Variants in TIAM1 observed in about 807,000 individuals in gnomAD.
TIAM1 encodes TIAM Rac1 associated GEF 1.
TIAM1 carries 65 observed loss-of-function variants against 163.5 expected under a neutral mutation model. The observed-to-expected ratio is 0.40, with a 90% CI of 0.33 to 0.49. The LOEUF is 0.49. Ranked by LOEUF, TIAM1 falls within the 20% of genes least tolerant of loss-of-function variation. The pLI, the probability that TIAM1 is intolerant of heterozygous loss-of-function variation, is 0.77. For missense variants in TIAM1, 1,789 were observed against 2,044.7 expected (o/e 0.87, Z 2.41); for synonymous variants, 833 against 810.1 (o/e 1.03, Z -0.48).
intron 1 of TIAM1, among the ~76,000 whole-genome samples, chr21:31,340,514 C>G (rs757891679): frequency 6.6e-6 from 1 of 152,136 alleles, no homozygotes; most frequent in Non-Finnish European, 1.5e-5. Flanking sequence ...TCTATCTTCA[C>G]GTTTAATTCT....
chr21:31,328,124 T>G (rs957004848), intron 2 of TIAM1, among the ~76,000 whole-genome samples: 1 of 152,166 alleles, frequency 6.6e-6, no homozygotes, highest in African/African-American at 2.4e-5. Flanking sequence ...GGCTCCAATG[T>G]CACCCATGCA....
intron 1 of TIAM1, among the ~76,000 whole-genome samples, chr21:31,489,187 T>C (rs914261486): frequency 2.0e-5 from 3 of 150,838 alleles, no homozygotes; most frequent in African/African-American, 4.9e-5. Context: ...CTGGGCAACA[T>C]AGAGACCTTA....
intron 1 of TIAM1, among the ~76,000 whole-genome samples, chr21:31,518,010 G>C (rs1222451023): frequency 1.3e-5 from 2 of 152,090 alleles, no homozygotes; most frequent in Non-Finnish European, 2.9e-5. Context: ...TTTTTCTCAT[G>C]AACTTGTAAA....
chr21:31,269,284 A>G (rs1187868053), intron 3 of TIAM1, among the ~76,000 whole-genome samples: 2 of 152,222 alleles, frequency 1.3e-5, no homozygotes, highest in African/African-American at 4.8e-5. Flanking sequence ...TTTTAGTAGC[A>G]AGATTCTTTT....
chr21:31,391,836 A>C (rs573736107), intron 2 of TIAM1, among the ~76,000 whole-genome samples: 9 of 152,184 alleles, frequency 5.9e-5, no homozygotes, highest in Non-Finnish European at 1.2e-4. Flanking sequence ...GCTGCTAGAC[A>C]TATAAAGAGA....
chr21:31,246,332 C>T (rs2071500471), intron 5 of TIAM1, among the ~76,000 whole-genome samples: 1 of 152,106 alleles, frequency 6.6e-6, no homozygotes, highest in African/African-American at 2.4e-5. Flanking sequence ...TGCATAATTG[C>T]ACTGTGAAAC....
chr21:31,209,124 G>A (rs1411665230), intron 11 of TIAM1, among the ~76,000 whole-genome samples: 2 of 152,100 alleles, frequency 1.3e-5, no homozygotes, highest in African/African-American at 2.4e-5. Flanking sequence ...CCAGACGTGG[G>A]TTCAGTCTCT....
intron 2 of TIAM1, among the ~76,000 whole-genome samples, chr21:31,296,104 C>T (rs1008793594): frequency 1.3e-5 from 2 of 151,992 alleles, no homozygotes; most frequent in African/African-American, 2.4e-5. Context: ...CGGCCAACTC[C>T]GAATTTTTAA....
intron 15 of TIAM1, among the ~76,000 whole-genome samples, chr21:31,169,178 C>A (rs2084387651): frequency 6.6e-6 from 1 of 152,074 alleles, no homozygotes; most frequent in Non-Finnish European, 1.5e-5. Context: ...CCTGTAATCC[C>A]AGCTACTTGG....
rs5843509 is a variant in TIAM1 at position 31,325,286 on chromosome 21, C to CA, written c.-189+13956dup. Among the ~76,000 whole-genome samples the CA allele has an allele frequency of 9.3e-3, 1,250 of 135,026 alleles. 16 individuals carry two copies. The highest frequency in any genetic ancestry group is 0.027 in the African/African-American group (991 of 36,776). 88.6% of individuals were successfully genotyped at this position (135,026 alleles called of 152,430 possible). ...TGGGTGACAGAGGGAGGCCCTGTCT[C>CA]AAAAAAAAAAAAAAATTAGTTTTTA... On this transcript the variant is annotated intron_variant, in intron 2 of 27. Transcript: ENST00000541036.
In TIAM1 at chr21:31,225,816, C is replaced by A. The variant is rs1317166141; in HGVS notation, c.1719G>T (p.Lys573Asn). The change falls in exon 7 of 28, where the codon AAG (lysine) becomes AAT (asparagine). Residue 573 changes from lysine to asparagine, a missense_variant. Physicochemically the swap from Lys to Asn is moderately conservative, Grantham distance 94. This residue lies in a region of TIAM1 where 456 missense variants were observed against 586.6 expected (regional missense o/e 0.78). Transcript: ENST00000541036. ...TCTTCATCTTTTCATCCATGTCAAT[C>A]TTCTGTTCCAGTTTTTTGATCTCTG... ...LKSEIKKLEQ[K>N]IDMDEKMKKM... The A allele has an allele frequency of 6.2e-7, 1 of 1,614,184 alleles. No homozygotes were observed. Among genetic ancestry groups the A allele is most frequent in the East Asian group, 2.2e-5 (1 of 44,878 alleles).
intron 2 of TIAM1, among the ~76,000 whole-genome samples, chr21:31,420,045 G>A (rs369252624): frequency 1.4e-4 from 22 of 151,956 alleles, no homozygotes; most frequent in Non-Finnish European, 2.4e-4. Context: ...GCAAAACTCC[G>A]TCTCAAAAAC....
At chr21:31,154,721 T>A (rs2083539351) in intron 16 of TIAM1, among the ~76,000 whole-genome samples, 1 of 152,104 alleles carries the variant, frequency 6.6e-6, no homozygotes, top group Non-Finnish European at 1.5e-5. Context: ...AAGTAACTCA[T>A]CCAAGATGAT....
At position 31,152,136 on chromosome 21, in the gene TIAM1, G is replaced by A. The variant is rs138203824; in HGVS notation, c.3366+500C>T. ...CAACCTCTGCATCTCAGGTTCAAGC[G>A]ATTCTCCTGCCTCAGCCTCCTGAGT... On this transcript the variant is annotated intron_variant, in intron 19 of 27. Coordinates refer to ENST00000541036, the MANE Select transcript of TIAM1 (RefSeq NM_001353694.2). Among the ~76,000 whole-genome samples the A allele has an allele frequency of 2.2e-3, 334 of 148,944 alleles. 1 individual carries two copies. The highest frequency in any genetic ancestry group is 7.6e-3 in the African/African-American group (308 of 40,394).
intron 1 of TIAM1, among the ~76,000 whole-genome samples, chr21:31,558,123 G>A (rs2084887697): frequency 6.6e-6 from 1 of 152,152 alleles, no homozygotes; most frequent in African/African-American, 2.4e-5. Context: ...CCAATGGCGA[G>A]GTCTGTAAAC....
intron 2 of TIAM1, among the ~76,000 whole-genome samples, chr21:31,369,999 G>A (rs1385655263): frequency 6.6e-6 from 1 of 152,100 alleles, no homozygotes; most frequent in Non-Finnish European, 1.5e-5. Flanking sequence ...TCCTTATAAA[G>A]GGGGCCTAAG....
At chr21:31,319,825 C>CTT (rs1569214321) in intron 2 of TIAM1, among the ~76,000 whole-genome samples, 1 of 150,228 alleles carries the variant, frequency 6.7e-6, no homozygotes, top group Non-Finnish European at 1.5e-5. Context: ...TTCTAGTGAG[C>CTT]ATAAGGTGGT....
At chr21:31,176,741 T>C (rs1474601294) in intron 15 of TIAM1, among the ~76,000 whole-genome samples, 1 of 152,026 alleles carries the variant, frequency 6.6e-6, no homozygotes, top group Non-Finnish European at 1.5e-5. Context: ...ATTCCAATTA[T>C]CTTATGATTC....
chr21:31,242,995 T>C (rs754519181), intron 6 of TIAM1, among the ~76,000 whole-genome samples: 2 of 150,690 alleles, frequency 1.3e-5, no homozygotes, highest in Non-Finnish European at 3.0e-5. Context: ...GAGACCAGCC[T>C]GACTAACATG....
Sources: gnomAD v4.1 joint callset for allele counts (sites outside exome capture counted in the v4.1 genomes callset) on GRCh38, gnomAD v4.1.1 for gene constraint, gnomAD v4.1.1 regional missense constraint, MANE v1.5 for transcripts, NCBI Gene and HGNC (gene_info 2026-07-23, HGNC 2026-07-21) for gene names.